Variants in CERS3 observed in about 807,000 individuals in gnomAD.
CERS3 encodes ceramide synthase 3.
In CERS3, 33 loss-of-function variants were observed where a neutral mutation model predicts 50.3. The observed-to-expected ratio is 0.66, with a 90% confidence interval of 0.50 to 0.88. The LOEUF is 0.88. Among genes scored for constraint, CERS3 ranks in the 40% least tolerant of loss-of-function variants. CERS3 has a pLI of 0.00. For missense variants in CERS3, 470 were observed against 460.3 expected (o/e 1.02, Z -0.19); for synonymous variants, 176 against 155.2 (o/e 1.13, Z -0.99).
At chr15:100,500,157 T>G (rs2035954747) in intron 3 of CERS3, 1 of 152,196 alleles carries the variant, frequency 6.6e-6, no homozygotes, top group Non-Finnish European at 1.5e-5. Flanking sequence ...CCTGTTAAAT[T>G]TTCCTTCCTT....
At chr15:100,519,217 C>T (rs915268918) in intron 2 of CERS3, among the ~76,000 whole-genome samples, 2 of 151,846 alleles carry the variant, frequency 1.3e-5, no homozygotes, top group Admixed American at 6.6e-5. Flanking sequence ...GTGAATCACA[C>T]GTCCACATTT....
chr15:100,529,861 CT>C (rs2142408272), upstream of CERS3, among the ~76,000 whole-genome samples: 1 of 152,256 alleles, frequency 6.6e-6, no homozygotes, highest in South Asian at 2.1e-4. Flanking sequence ...AGACATTTTT[CT>C]TTTTTCATCA....
intron 10 of CERS3, among the ~76,000 whole-genome samples, chr15:100,462,041 T>C (rs2034566639): frequency 6.6e-6 from 1 of 152,224 alleles, no homozygotes; most frequent in Non-Finnish European, 1.5e-5. Context: ...CGTGCATACA[T>C]GTGTGCAGGC....
chr15:100,490,927 C>G lies in CERS3; in HGVS notation c.178G>C (p.Val60Leu). 2 of 1,568,942 alleles carry G rather than the reference C, an allele frequency of 1.3e-6. No homozygotes were observed. Among genetic ancestry groups the G allele is most frequent in the Non-Finnish European group, 1.7e-6 (2 of 1,153,190 alleles). The change falls in exon 4 of 12, where the codon GTT (valine) becomes CTT (leucine). Residue 60 changes from valine (V) to leucine (L), a missense_variant. Transcript: ENST00000679737. ...LIIRRVFEKF[V>L]ASPLAKSFGI... The stretch of plus-strand genomic sequence containing the variant: ...AATGATTTTGCTAGAGGTGAAGCAA[C>G]AAATCTACAAAAATATGAAAAGAAA...
rs2034736999 is a variant in CERS3 at position 100,466,774 on chromosome 15, TTCCTTCC to T, written c.845+2597_845+2603del. 6.5e-4 allele frequency among the ~76,000 whole-genome samples: 19 copies of T among 29,204 alleles called. 5 individuals carry two copies. Among genetic ancestry groups the T allele is most frequent in the South Asian group, 3.5e-3 (2 of 574 alleles). The allele number at this position is 29,204 out of a possible 152,430, so 19.2% of individuals were successfully genotyped here. On this transcript the variant is annotated intron_variant, in intron 10 of 11. Coordinates refer to ENST00000679737, the MANE Select transcript of CERS3 (RefSeq NM_001378789.1). ...CTTCCTTCCTTCCTTCCTTCCTTCCTTCCTTCCTTCCTTCCTTCCTCCCTCCCTCCCT... is the reference window on the plus strand; with the variant it reads ...CTTCCTTCCTTCCTTCCTTCCTTCCTTTCCTTCCTTCCTCCCTCCCTCCCT...
At position 100,402,572 on chromosome 15, in the gene CERS3, G is replaced by T; in HGVS notation, c.*141C>A. On this transcript the variant is annotated 3_prime_UTR_variant, in exon 12 of 12. Coordinates refer to ENST00000679737, the MANE Select transcript of CERS3 (RefSeq NM_001378789.1). ...TTTTAACACAAGTTAACAACATTTTGGTAAACACATCTTAGGTGGGAGGGA... is the reference window on the plus strand; with the variant it reads ...TTTTAACACAAGTTAACAACATTTTTGTAAACACATCTTAGGTGGGAGGGA... 1.3e-6 allele frequency: 1 copy of T among 748,752 alleles called. No homozygotes were observed. The highest frequency in any genetic ancestry group is 2.1e-6 in the Non-Finnish European group (1 of 469,818). The allele number at this position is 748,752 out of a possible 1,614,324, so 46.4% of individuals were successfully genotyped here.
intron 11 of CERS3, among the ~76,000 whole-genome samples, chr15:100,431,940 T>C: frequency 6.6e-6 from 1 of 152,130 alleles, no homozygotes; most frequent in East Asian, 1.9e-4. Flanking sequence ...ACGGTGTGAG[T>C]AGTAGATCTT....
intron 2 of CERS3, among the ~76,000 whole-genome samples, chr15:100,520,013 C>T (rs1410639848): frequency 1.3e-5 from 2 of 152,118 alleles, no homozygotes; most frequent in Non-Finnish European, 2.9e-5. Flanking sequence ...TGTACACCCA[C>T]ATCCATGCCC....
At chr15:100,485,532 C>T (rs2035458325) in intron 4 of CERS3, among the ~76,000 whole-genome samples, 1 of 152,194 alleles carries the variant, frequency 6.6e-6, no homozygotes, top group Non-Finnish European at 1.5e-5. Flanking sequence ...AAGAAATATG[C>T]TCATAAAAAA....
intron 11 of CERS3, among the ~76,000 whole-genome samples, chr15:100,445,263 C>T (rs1475151767): frequency 8.0e-6 from 1 of 125,488 alleles, no homozygotes; most frequent in East Asian, 2.2e-4. Flanking sequence ...TCTAGTCGTA[C>T]TCCTATTCAC....
At chr15:100,504,436 T>A (rs1194637291) in intron 2 of CERS3, among the ~76,000 whole-genome samples, 2 of 151,900 alleles carry the variant, frequency 1.3e-5, no homozygotes, top group African/African-American at 4.8e-5. Flanking sequence ...AGAGACAGGG[T>A]TTCTCCATGT....
At chr15:100,507,299 G>A (rs908471313) in intron 2 of CERS3, among the ~76,000 whole-genome samples, 1 of 152,134 alleles carries the variant, frequency 6.6e-6, no homozygotes, top group Admixed American at 6.5e-5. Context: ...GGTGGTCATA[G>A]ACTCCATAAG....
rs1012645322 is a variant in CERS3, at chr15:100,417,893, A to G, written c.1000-15028T>C. 7.1e-4 allele frequency among the ~76,000 whole-genome samples: 108 copies of G among 152,140 alleles called. 1 individual carries two copies. The highest frequency in any genetic ancestry group is 2.5e-3 in the African/African-American group (103 of 41,394). Reference sequence around the variant, plus strand: ...GTCCTCTCTGTTAGAAGGAAAACTAACAAACAGAAAGGACATCCACACCGA... The same window carrying G: ...GTCCTCTCTGTTAGAAGGAAAACTAGCAAACAGAAAGGACATCCACACCGA... On this transcript the variant is annotated intron_variant, in intron 11 of 11. Transcript: ENST00000679737.
intron 11 of CERS3, among the ~76,000 whole-genome samples, chr15:100,432,762 C>G (rs1305897343): frequency 1.3e-5 from 2 of 152,030 alleles, no homozygotes; most frequent in Admixed American, 1.3e-4. Context: ...AACAGAGTCA[C>G]GTACGTTCGA....
Position 100,541,217 on chromosome 15 carries a change from A to G in CERS3, c.-355+3434T>C, listed in dbSNP as rs2037194460. 2.0e-5 allele frequency among the ~76,000 whole-genome samples: 3 copies of G among 152,206 alleles called. No homozygotes were observed. The South Asian group carries it at 6.2e-4, about 31-fold the overall frequency. On this transcript the variant is annotated intron_variant, in intron 1 of 12. Transcript: ENST00000284382. The stretch of plus-strand genomic sequence containing the variant: ...ATATGAAGAAAACCATAACTTACTA[A>G]GTTGGTTAAGCAGTGTCCCTCAGGC...
At chr15:100,539,019 T>C (rs1440019807) in intron 1 of CERS3, among the ~76,000 whole-genome samples, 2 of 152,226 alleles carry the variant, frequency 1.3e-5, no homozygotes, top group East Asian at 3.9e-4. Flanking sequence ...CCCTAAATCA[T>C]CTCTCTCAAG....
chr15:100,525,491 T>C (rs549174824), intron 1 of CERS3, among the ~76,000 whole-genome samples: 1 of 152,232 alleles, frequency 6.6e-6, no homozygotes, highest in Non-Finnish European at 1.5e-5. Context: ...TTTCTATTTA[T>C]TAATGGAAAT....
chr15:100,485,756 C>T (rs1004294735), intron 4 of CERS3, among the ~76,000 whole-genome samples: 3 of 152,050 alleles, frequency 2.0e-5, no homozygotes, highest in African/African-American at 7.2e-5. Context: ...CCCAGCTACT[C>T]AGGAGGCTGA....
At chr15:100,484,704 G>T (rs766407190) in intron 4 of CERS3, 36 bp from the exon 5 acceptor site, 5 of 1,444,702 alleles carry the variant, frequency 3.5e-6, no homozygotes, top group South Asian at 3.4e-5. Context: ...GAGTGATAAA[G>T]AACAGAGTCA....
Sources: allele counts gnomAD v4.1 joint callset (sites outside exome capture counted in the v4.1 genomes callset), GRCh38; gene constraint gnomAD v4.1.1; transcripts MANE v1.5; gene names NCBI Gene and HGNC (gene_info 2026-07-23, HGNC 2026-07-21).